TRMT9B: variants seen among roughly 807,000 people sequenced by gnomAD.
TRMT9B encodes tRNA methyltransferase 9B (putative).
Under a neutral mutation model 11.5 loss-of-function variants are expected in TRMT9B, and 16 were observed. The ratio of observed to expected loss-of-function variants is 1.39; its 90% CI spans 0.94 to 2.11. The LOEUF is 2.11. TRMT9B is among the 30% of genes most tolerant of loss of function. The pLI is 0.00. For synonymous variants in TRMT9B, 274 were observed against 192.4 expected (o/e 1.42, Z -3.51); for missense variants, 941 against 553.8 (o/e 1.70, Z -7.02).
Position 13,027,339 on chromosome 8 carries a change from C to T in TRMT9B, c.*5295C>T, listed in dbSNP as rs143278654. 8.4e-5 allele frequency: 14 copies of T among 167,054 alleles called. No individual in the cohort carries two copies. The highest frequency in any genetic ancestry group is 1.9e-4 in the Non-Finnish European group (13 of 68,106). The allele number at this position is 167,054 out of a possible 1,614,324, so 10.3% of individuals were successfully genotyped here. On this transcript the variant is annotated 3_prime_UTR_variant, in exon 5 of 5. Transcript: ENST00000524591. ...TAGTTTGAGGAAAACAACAAACAACCCTCCCTTAGAGAATCATGATGCATA... is the reference window on the plus strand; with the variant it reads ...TAGTTTGAGGAAAACAACAAACAACTCTCCCTTAGAGAATCATGATGCATA...
intron 4 of TRMT9B, among the ~76,000 whole-genome samples, chr8:13,017,207 TG>T (rs1338032943): frequency 2.0e-5 from 3 of 152,154 alleles, no homozygotes; most frequent in Non-Finnish European, 4.4e-5. Flanking sequence ...CTGCAGATTC[TG>T]AATGCTGAAG....
At chr8:13,003,627 C>A (rs548291167) in intron 2 of TRMT9B, among the ~76,000 whole-genome samples, 7 of 151,662 alleles carry the variant, frequency 4.6e-5, no homozygotes, top group Non-Finnish European at 1.0e-4. Context: ...GAGGCCAGAT[C>A]GGAAAGAGCC....
intron 1 of TRMT9B, chr8:12,951,290 C>T (rs1283010167): frequency 1.3e-5 from 2 of 152,438 alleles, no homozygotes; most frequent in African/African-American, 4.8e-5. Context: ...CCCAATGAAC[C>T]GACCCCGAGG....
intron 2 of TRMT9B, among the ~76,000 whole-genome samples, chr8:12,997,834 C>G (rs1808643469): frequency 6.6e-6 from 1 of 152,144 alleles, no homozygotes; most frequent in Non-Finnish European, 1.5e-5. Context: ...GGCGGTTTTC[C>G]AAACAGATTG....
At chr8:12,976,297 C>T (rs1230513141) in intron 1 of TRMT9B, among the ~76,000 whole-genome samples, 1 of 151,934 alleles carries the variant, frequency 6.6e-6, no homozygotes, top group African/African-American at 2.4e-5. Context: ...ATTTCACCAT[C>T]GTAAAAGGCA....
In TRMT9B at chr8:13,012,758, G is replaced by T. The variant is rs757109794; in HGVS notation, c.229G>T (p.Val77Leu). The T allele has an allele frequency of 2.5e-6, 4 of 1,613,868 alleles. No individual in the cohort carries two copies. The highest frequency in any genetic ancestry group is 2.7e-5 in the African/African-American group (2 of 74,910). The change falls in exon 4 of 5, where the codon GTA (valine) becomes TTA (leucine). Residue 77 changes from valine to leucine, a missense_variant. Coordinates refer to ENST00000524591, the MANE Select transcript of TRMT9B (RefSeq NM_020844.3). ...GGGCTGTGACTACTGTGGGCCACTGGTAGAGATTGCCCGGAATAGAGGATG... is the reference window on the plus strand; with the variant it reads ...GGGCTGTGACTACTGTGGGCCACTGTTAGAGATTGCCCGGAATAGAGGATG... ...TVGCDYCGPL[V>L]EIARNRGCEA...
At chr8:12,986,336 C>T (rs1479521036) in intron 1 of TRMT9B, among the ~76,000 whole-genome samples, 1 of 152,042 alleles carries the variant, frequency 6.6e-6, no homozygotes, top group Non-Finnish European at 1.5e-5. Context: ...TTCTGTTCTC[C>T]ACGTGTTTGT....
rs1172205557 is a variant in TRMT9B at position 13,025,124 on chromosome 8, T to C, written c.*3080T>C. ...TCCTTATTAATACTAGATCACACAG[T>C]GTCTTTCTTATTCCTTCTTCTTTAC... On this transcript the variant is annotated 3_prime_UTR_variant, in exon 5 of 5. Coordinates refer to ENST00000524591, the MANE Select transcript of TRMT9B (RefSeq NM_020844.3). 1 of 166,844 alleles carries C rather than the reference T, an allele frequency of 6.0e-6. No individual in the cohort carries two copies. The highest frequency in any genetic ancestry group is 1.5e-5 in the Non-Finnish European group (1 of 68,094). 10.3% of individuals were successfully genotyped at this position (166,844 alleles called of 1,614,324 possible). A position where few individuals can be genotyped will look rare whatever the true frequency, so the allele number is the denominator to read the frequency against.
rs1036053863 is a variant in TRMT9B, at chr8:13,002,853, G to A, written c.-1-3349G>A. ...CTTCCCAGGATAGGGGTAGAGGTGC[G>A]GGGACAGAGGCTGTCCAGGGACAGT... On this transcript the variant is annotated intron_variant, in intron 2 of 4. Coordinates refer to ENST00000524591, the MANE Select transcript of TRMT9B (RefSeq NM_020844.3). Among the ~76,000 whole-genome samples, 48 of 152,120 alleles carry A rather than the reference G, an allele frequency of 3.2e-4. 1 individual carries two copies. The highest frequency in any genetic ancestry group is 7.2e-4 in the Admixed American group (11 of 15,290).
At chr8:12,993,327 C>T (rs1174781449) in intron 2 of TRMT9B, among the ~76,000 whole-genome samples, 1 of 152,224 alleles carries the variant, frequency 6.6e-6, no homozygotes, top group East Asian at 1.9e-4. Context: ...TTCTAACCAA[C>T]TTTCCTTGAA....
rs1814521348 is a variant in TRMT9B, at chr8:13,025,022, A to G, written c.*2978A>G. 6.0e-6 allele frequency: 1 copy of G among 167,080 alleles called. No homozygotes were observed. Among genetic ancestry groups the G allele is most frequent in the African/African-American group, 2.4e-5 (1 of 41,452 alleles). 10.3% of individuals were successfully genotyped at this position (167,080 alleles called of 1,614,324 possible). ...CAGTGAGTATAAACGTAGACAGTTGATTTGTGAATGCTGTCGGCCTCAACT... is the reference window on the plus strand; with the variant it reads ...CAGTGAGTATAAACGTAGACAGTTGGTTTGTGAATGCTGTCGGCCTCAACT... On this transcript the variant is annotated 3_prime_UTR_variant, in exon 5 of 5. Transcript: ENST00000524591.
chr8:13,018,162 G>A (rs1813119485), intron 4 of TRMT9B, among the ~76,000 whole-genome samples: 1 of 151,096 alleles, frequency 6.6e-6, no homozygotes, highest in Admixed American at 6.6e-5. Context: ...AGCACTTTGG[G>A]AGGCTGAGGC....
intron 1 of TRMT9B, among the ~76,000 whole-genome samples, chr8:12,965,332 G>A (rs577442451): frequency 6.6e-6 from 1 of 152,304 alleles, no homozygotes; most frequent in African/African-American, 2.4e-5. Flanking sequence ...AAGAAACAGA[G>A]CTAGCATCAC....
At chr8:12,993,140 G>A (rs1317492824) in intron 2 of TRMT9B, among the ~76,000 whole-genome samples, 4 of 152,206 alleles carry the variant, frequency 2.6e-5, no homozygotes, top group Non-Finnish European at 4.4e-5. Context: ...GTCGTTGCAC[G>A]ATATAAGACT....
rs532465117 is a variant in TRMT9B, at chr8:12,950,773, C to G, written c.-200+4807C>G. On this transcript the variant is annotated intron_variant, in intron 1 of 4. Transcript: ENST00000524591. ...AAATAGACCAGCGTCTATGTGAGAC[C>G]TGTAGTTGTGTCCTCACAAATAACC... Among the ~76,000 whole-genome samples the G allele has an allele frequency of 2.4e-4, 37 of 152,152 alleles. 1 individual carries two copies. The highest frequency in any genetic ancestry group is 8.2e-4 in the African/African-American group (34 of 41,492).
chr8:12,964,634 GC>G (rs1278399734), intron 1 of TRMT9B, among the ~76,000 whole-genome samples: 8 of 152,134 alleles, frequency 5.3e-5, no homozygotes, highest in African/African-American at 1.9e-4. Context: ...GAGTGCAGTG[GC>G]ACAGTCACAG....
chr8:13,024,001 G>C lies in TRMT9B; in HGVS notation c.*1957G>C, dbSNP rs956598310. On this transcript the variant is annotated 3_prime_UTR_variant, in exon 5 of 5. Transcript: ENST00000524591. ...AGTGGATGATTGAAAACATATATAA[G>C]TGGAGTATAAATTAAAAATTAATTT... 7 of 165,216 alleles carry C rather than the reference G, an allele frequency of 4.2e-5. No homozygotes were observed. The highest frequency in any genetic ancestry group is 1.5e-4 in the African/African-American group (6 of 41,046). 10.2% of individuals were successfully genotyped at this position (165,216 alleles called of 1,614,324 possible). A position where few individuals can be genotyped will look rare whatever the true frequency, so the allele number is the denominator to read the frequency against.
chr8:12,994,592 AC>A (rs1286229419), intron 2 of TRMT9B, among the ~76,000 whole-genome samples: 9 of 152,238 alleles, frequency 5.9e-5, no homozygotes, highest in Non-Finnish European at 8.8e-5. Flanking sequence ...GGCTAAGAGG[AC>A]CTTAAAAGCA....
chr8:13,016,281 A>G (rs894840778), intron 4 of TRMT9B, among the ~76,000 whole-genome samples: 102 of 90,934 alleles, frequency 1.1e-3, no homozygotes, highest in African/African-American at 3.8e-3. Flanking sequence ...ATATATAAAT[A>G]TATTTGTGTG....
Sources: allele counts gnomAD v4.1 joint callset (sites outside exome capture counted in the v4.1 genomes callset), GRCh38; gene constraint gnomAD v4.1.1; transcripts MANE v1.5; gene names NCBI Gene and HGNC (gene_info 2026-07-23, HGNC 2026-07-21).